AP3D1: variants seen among roughly 807,000 people sequenced by gnomAD.
AP3D1 encodes the protein AP-3 complex subunit delta-1.
Under a neutral mutation model 147.6 loss-of-function variants are expected in AP3D1, and 51 were observed. The observed-to-expected ratio is 0.35, with a 90% confidence interval of 0.28 to 0.44. The LOEUF (loss-of-function observed/expected upper bound fraction) is 0.44, where lower values mean the gene tolerates loss of function less well. AP3D1 is among the 20% of genes least tolerant of loss of function. The probability of loss-of-function intolerance (pLI) is 1.00; values close to 1 mark genes in which losing one functional copy is unlikely to be tolerated. For missense variants in AP3D1, 1,421 were observed against 1,624.2 expected (o/e 0.87, Z 2.15); for synonymous variants, 760 against 663.0 (o/e 1.15, Z -2.25).
intron 6 of AP3D1, 73 bp from the exon 7 acceptor site, chr19:2,129,530 C>G: frequency 6.5e-7 from 1 of 1,526,820 alleles, no homozygotes; most frequent in Non-Finnish European, 8.8e-7. Context: ...CTTCCTGGCC[C>G]GCGAGGAAGT....
At chr19:2,140,015 T>C (rs2019178247) in intron 1 of AP3D1, among the ~76,000 whole-genome samples, 1 of 152,126 alleles carries the variant, frequency 6.6e-6, no homozygotes, top group Non-Finnish European at 1.5e-5. Context: ...CCATGCTTTA[T>C]GATCCAACTT....
At position 2,108,710 on chromosome 19, in the gene AP3D1, G is replaced by A. The variant is rs1278809886; in HGVS notation, c.3529C>T (p.His1177Tyr). 2 of 1,583,592 alleles carry A rather than the reference G, an allele frequency of 1.3e-6. No individual in the cohort carries two copies. Among genetic ancestry groups the A allele is most frequent in the South Asian group, 1.2e-5 (1 of 86,206 alleles). ...ACCTTTTTCACCAGGAGGCAGACAT[G>A]GTGGCCCTGGATGGAGCGGCTGTAC... ...SMYSRSIQGH[H>Y]VCLLVKKGEN... Residue 1177 changes from histidine to tyrosine, a missense_variant, in exon 31 of 32, where the codon CAT becomes TAT. Physicochemically the swap from His to Tyr is moderately conservative, Grantham distance 83. Around this residue, in one of 6 missense-constraint regions of AP3D1, gnomAD observed 791 missense variants for 761.4 expected, o/e 1.04. Transcript: ENST00000643116.
Position 2,113,389 on chromosome 19 carries a change from A to G in AP3D1, c.2626T>C (p.Ser876Pro). Residue 876 changes from serine to proline, a missense_variant, in exon 23 of 32, where the codon TCT (serine) becomes CCT (proline). Physicochemically the swap from Ser to Pro is moderately conservative, Grantham distance 74. Transcript: ENST00000643116. ...KKAEDLDFWL[S>P]TTPPPAPAPA... The stretch of plus-strand genomic sequence containing the variant: ...GCGGGGGCAGGCGGTGGGGTGGTAG[A>G]CAGCCAGAAGTCCAGGTCCTCAGCC... The G allele has an allele frequency of 1.4e-6, 2 of 1,476,734 alleles. No individual in the cohort carries two copies. The highest frequency in any genetic ancestry group is 9.0e-7 in the Non-Finnish European group (1 of 1,116,744). The allele number at this position is 1,476,734 out of a possible 1,614,324, so 91.5% of individuals were successfully genotyped here. A position where few individuals can be genotyped will look rare whatever the true frequency, so the allele number is the denominator to read the frequency against.
chr19:2,132,443 G>A (rs762076533), intron 5 of AP3D1, 28 bp downstream of exon 5: 7 of 1,568,394 alleles, frequency 4.5e-6, no homozygotes, highest in African/African-American at 2.7e-5. Context: ...CAGACATGCA[G>A]GGGTGGTGGG....
chr19:2,114,431 C>T, intron 21 of AP3D1, 129 bp from the exon 22 acceptor site: 4 of 788,432 alleles, frequency 5.1e-6, no homozygotes, highest in Non-Finnish European at 8.2e-6. Flanking sequence ...CAGCCATGGC[C>T]CAACATAGAT....
At chr19:2,106,395 A>G (rs1568272975) in intron 31 of AP3D1, among the ~76,000 whole-genome samples, 1 of 151,934 alleles carries the variant, frequency 6.6e-6, no homozygotes. Flanking sequence ...CTAAAAATAC[A>G]AAAATTAGTG....
chr19:2,163,229 G>A (rs1303498632), intron 1 of AP3D1, among the ~76,000 whole-genome samples: 2 of 151,888 alleles, frequency 1.3e-5, no homozygotes, highest in Admixed American at 6.6e-5. Context: ...GCCCGCCACC[G>A]CGCCCAGCTA....
At chr19:2,116,306 G>T in intron 17 of AP3D1, 28 bp from the exon 18 acceptor site, 1 of 1,608,444 alleles carries the variant, frequency 6.2e-7, no homozygotes. Flanking sequence ...GCATGAGCCC[G>T]AGAGAAGCGG....
chr19:2,121,233 C>T lies in AP3D1; in HGVS notation c.1180G>A (p.Asp394Asn). 1.2e-6 allele frequency: 2 copies of T among 1,614,232 alleles called. No individual in the cohort carries two copies. Among genetic ancestry groups the T allele is most frequent in the Non-Finnish European group, 1.7e-6 (2 of 1,180,030 alleles). ...TCAATGATCTTGGTGAGCAGCTCGT[C>T]ACGGTAGGTGGTACCCTCTGCCTTG... ...VDKAEGTTYR[D>N]ELLTKIIDIC... The change falls in exon 13 of 32, where the codon GAC becomes AAC. Residue 394 changes from aspartate (D) to asparagine (N), a missense_variant. This residue lies in a region of AP3D1 where 310 missense variants were observed against 388.1 expected (regional missense o/e 0.80). Coordinates refer to ENST00000643116, the MANE Select transcript of AP3D1 (RefSeq NM_001261826.3).
At chr19:2,117,090 C>A in intron 16 of AP3D1, 132 bp downstream of exon 16, 3 of 1,204,166 alleles carry the variant, frequency 2.5e-6, no homozygotes, top group South Asian at 1.6e-5. Context: ...GAGGGATATA[C>A]CCGCCTGAGG....
rs886791332 is a variant in AP3D1, at chr19:2,139,744, G to A, written c.97-1030C>T. Among the ~76,000 whole-genome samples, 7 of 152,182 alleles carry A rather than the reference G, an allele frequency of 4.6e-5. No homozygotes were observed. In the South Asian group the frequency reaches 6.2e-4, roughly 14 times the overall value. On this transcript the variant is annotated intron_variant, in intron 1 of 31. Coordinates refer to ENST00000643116, the MANE Select transcript of AP3D1 (RefSeq NM_001261826.3). ...CAGGAGTGACGGCTGCCCGGGCCCCGTCCTGCCAGCCCCTACGTCGGGATG... is the reference window on the plus strand; with the variant it reads ...CAGGAGTGACGGCTGCCCGGGCCCCATCCTGCCAGCCCCTACGTCGGGATG...
intron 30 of AP3D1, 110 bp from the exon 31 acceptor site, chr19:2,108,876 C>T: frequency 7.4e-7 from 1 of 1,354,556 alleles, no homozygotes; most frequent in Non-Finnish European, 1.0e-6. Flanking sequence ...CTTCAGGAGG[C>T]CTGTAGGAGC....
At chr19:2,163,934 T>C (rs1025518633) in intron 1 of AP3D1, among the ~76,000 whole-genome samples, 156 of 149,462 alleles carry the variant, frequency 1.0e-3, no homozygotes, top group Non-Finnish European at 1.6e-3. Flanking sequence ...CCCCGGCTCA[T>C]TGTGCTCGCT....
In AP3D1 at chr19:2,111,821, G is replaced by A. The variant is rs2018289605; in HGVS notation, c.2795C>T (p.Pro932Leu). Residue 932 changes from proline (P) to leucine (L), a missense_variant, in exon 25 of 32, where the codon CCC (proline) becomes CTC (leucine). By Grantham distance (98) the Pro-to-Leu change is moderately conservative. Transcript: ENST00000643116. The part of the protein sequence containing the change: ...AEGQDQDKKS[P>L]KPKKKKHRKE... ...CCTGTGCTTCTTCTTCTTAGGCTTG[G>A]GAGATTTCTGGAGCAAGAGGAGGGT... is the stretch of plus-strand genomic sequence containing the variant. 2 of 1,613,662 alleles carry A rather than the reference G, an allele frequency of 1.2e-6. No individual in the cohort carries two copies. Among genetic ancestry groups the A allele is most frequent in the South Asian group, 2.2e-5 (2 of 91,090 alleles).
intron 1 of AP3D1, among the ~76,000 whole-genome samples, chr19:2,142,276 G>T (rs923050342): frequency 6.6e-6 from 1 of 152,018 alleles, no homozygotes; most frequent in African/African-American, 2.4e-5. Flanking sequence ...GCCTCCCAAA[G>T]TGCTGGGATT....
At chr19:2,121,931 T>C in intron 11 of AP3D1, 52 bp from the exon 12 acceptor site, 2 of 1,556,264 alleles carry the variant, frequency 1.3e-6, no homozygotes. Flanking sequence ...GGCAGCAGGG[T>C]GCAGGCAGGG....
At chr19:2,109,315 G>A in intron 29 of AP3D1, 108 bp from the exon 30 acceptor site, 1 of 1,423,944 alleles carries the variant, frequency 7.0e-7, no homozygotes, top group Non-Finnish European at 9.3e-7. Context: ...ACACCCTCCT[G>A]TGTGTCTGGG....
intron 5 of AP3D1, among the ~76,000 whole-genome samples, chr19:2,131,710 C>T (rs1485057013): frequency 1.1e-5 from 1 of 90,420 alleles, no homozygotes; most frequent in African/African-American, 4.7e-5. Context: ...CACCTCCGGG[C>T]GGACAGGCAG....
intron 28 of AP3D1, 51 bp downstream of exon 28, chr19:2,110,085 A>G: frequency 6.3e-7 from 1 of 1,578,452 alleles, no homozygotes; most frequent in Non-Finnish European, 8.7e-7. Context: ...GGGCAGGAGG[A>G]GCCCCTGCCT....
Sources: allele counts gnomAD v4.1 joint callset (sites outside exome capture counted in the v4.1 genomes callset), GRCh38; gene constraint gnomAD v4.1.1; regional missense constraint gnomAD v4.1.1; transcripts MANE v1.5; gene names NCBI Gene and HGNC (gene_info 2026-07-23, HGNC 2026-07-21).